GABRA2: variants seen among roughly 807,000 people sequenced by gnomAD.
The protein encoded by GABRA2 is gamma-aminobutyric acid type A receptor subunit alpha2, also known as gamma-aminobutyric acid receptor subunit alpha-2.
In GABRA2, 16 loss-of-function variants were observed where a neutral mutation model predicts 48.7. The observed-to-expected ratio is 0.33, with a 90% CI of 0.22 to 0.50. GABRA2 has a LOEUF of 0.50. Ranked by LOEUF, GABRA2 falls within the 20% of genes least tolerant of loss-of-function variation. The probability of loss-of-function intolerance (pLI) is 0.98; values close to 1 mark genes in which losing one functional copy is unlikely to be tolerated. For missense variants in GABRA2, 275 were observed against 535.6 expected, an observed-to-expected ratio of 0.51 and a Z score of 4.80; for synonymous variants, 185 against 184.5, an observed-to-expected ratio of 1.00 and a Z score of -0.02.
intron 8 of GABRA2, among the ~76,000 whole-genome samples, chr4:46,272,437 A>G (rs1719521945): frequency 6.6e-6 from 1 of 152,044 alleles, no homozygotes; most frequent in South Asian, 2.1e-4. Flanking sequence ...TCTTTTATGA[A>G]GCAAGCATAA....
Position 46,388,672 on chromosome 4 carries a change from A to G in GABRA2, c.35T>C (p.Phe12Ser). ...CCACACCAAGAAAACAAAAAGCAGGAACTGCATGTTGTAGATGTTCAATTT... is the reference window on the plus strand; with the variant it reads ...CCACACCAAGAAAACAAAAAGCAGGGACTGCATGTTGTAGATGTTCAATTT... ...KTKLNIYNMQ[F>S]LLFVFLVWDP... is the part of the protein sequence containing the mutation. The change falls in exon 2 of 10, where the codon TTC (phenylalanine) becomes TCC (serine). Residue 12 changes from phenylalanine (F) to serine (S), a missense_variant. By Grantham distance (155) the Phe-to-Ser change is radical. This residue lies in a region of GABRA2 where 39 missense variants were observed against 40.5 expected (regional missense o/e 0.96). Transcript: ENST00000381620. The G allele has an allele frequency of 1.2e-6, 2 of 1,614,164 alleles. No individual in the cohort carries two copies. The highest frequency in any genetic ancestry group is 1.7e-6 in the Non-Finnish European group (2 of 1,180,024).
intron 8 of GABRA2, among the ~76,000 whole-genome samples, chr4:46,270,432 C>T (rs1026212943): frequency 6.6e-6 from 1 of 152,000 alleles, no homozygotes; most frequent in African/African-American, 2.4e-5. Context: ...ACAAACCTTC[C>T]ATGTACCTCT....
chr4:46,253,338 A>T (rs564541007), intron 9 of GABRA2, among the ~76,000 whole-genome samples: 65 of 151,510 alleles, frequency 4.3e-4, no homozygotes, highest in African/African-American at 1.5e-3. Context: ...CAATCTGAAC[A>T]GATACTCTGA....
At position 46,245,904 on chromosome 4, in the gene GABRA2, A is replaced by G. The variant is rs1713629670; in HGVS notation, c.*4404T>C. The stretch of plus-strand genomic sequence containing the variant: ...ACCACCTTTATAAGTATTTCTTCAT[A>G]TATAAACAAACAAAAATAGAATATT... On this transcript the variant is annotated 3_prime_UTR_variant, in exon 10 of 10. Transcript: ENST00000381620. Among the ~76,000 whole-genome samples the G allele has an allele frequency of 6.6e-6, 1 of 151,232 alleles. No homozygotes were observed. Among genetic ancestry groups the G allele is most frequent in the Admixed American group, 6.6e-5 (1 of 15,114 alleles).
chr4:46,324,494 G>A (rs1729995065), intron 4 of GABRA2, among the ~76,000 whole-genome samples: 1 of 151,864 alleles, frequency 6.6e-6, no homozygotes. Context: ...AAAAAAACAT[G>A]CAACCTCTGA....
intron 8 of GABRA2, among the ~76,000 whole-genome samples, chr4:46,295,593 TG>T (rs911672563): frequency 3.9e-5 from 6 of 152,252 alleles, no homozygotes; most frequent in African/African-American, 1.4e-4. Context: ...GTGGCAGGGA[TG>T]GAGCTTATGC....
intron 9 of GABRA2, among the ~76,000 whole-genome samples, chr4:46,252,132 G>T (rs114414588): frequency 1.6e-3 from 246 of 151,436 alleles, no homozygotes; most frequent in African/African-American, 5.5e-3. Context: ...TGAAAGCCCA[G>T]GAGATTCTAA....
intron 8 of GABRA2, among the ~76,000 whole-genome samples, chr4:46,275,287 T>A (rs1720266084): frequency 6.6e-6 from 1 of 152,160 alleles, no homozygotes. Flanking sequence ...GCAGGCTTTT[T>A]AACTTTTTAT....
chr4:46,263,283 T>C (rs1717427247), intron 8 of GABRA2, among the ~76,000 whole-genome samples: 1 of 152,080 alleles, frequency 6.6e-6, no homozygotes, highest in African/African-American at 2.4e-5. Context: ...TACAAATTTG[T>C]GTCATACCTA....
intron 3 of GABRA2, among the ~76,000 whole-genome samples, chr4:46,374,439 A>G (rs1020868503): frequency 6.6e-6 from 1 of 152,154 alleles, no homozygotes; most frequent in Admixed American, 6.5e-5. Context: ...TTACTAAAAT[A>G]TGTTAGGTCC....
chr4:46,312,843 A>G, intron 4 of GABRA2, 127 bp from the exon 5 acceptor site: 2 of 582,352 alleles, frequency 3.4e-6, no homozygotes, highest in Non-Finnish European at 5.8e-6. Flanking sequence ...AACATTTTTA[A>G]TCAGAAAGAT....
intron 3 of GABRA2, among the ~76,000 whole-genome samples, chr4:46,344,526 C>G (rs1187360269): frequency 6.6e-6 from 1 of 151,924 alleles, no homozygotes; most frequent in Non-Finnish European, 1.5e-5. Flanking sequence ...AAAGAGACAT[C>G]TTTTTGCTTT....
At chr4:46,353,804 C>T (rs1735540165) in intron 3 of GABRA2, among the ~76,000 whole-genome samples, 1 of 152,084 alleles carries the variant, frequency 6.6e-6, no homozygotes, top group Admixed American at 6.6e-5. Flanking sequence ...CTTCTTATTT[C>T]CCTGCTCTTA....
intron 9 of GABRA2, among the ~76,000 whole-genome samples, chr4:46,258,693 A>C (rs1208609196): frequency 6.6e-6 from 1 of 151,744 alleles, no homozygotes; most frequent in Non-Finnish European, 1.5e-5. Context: ...GAAAGCAGAT[A>C]CTCTGAAGTT....
chr4:46,388,754 A>G (rs1357672334), intron 1 of GABRA2, 38 bp from the exon 2 acceptor site: 1 of 1,612,582 alleles, frequency 6.2e-7, no homozygotes, highest in Non-Finnish European at 8.5e-7. Flanking sequence ...AAATACACTT[A>G]AAATTGCCTT....
intron 4 of GABRA2, among the ~76,000 whole-genome samples, chr4:46,332,103 T>C (rs533252874): frequency 6.6e-6 from 1 of 152,212 alleles, no homozygotes; most frequent in Non-Finnish European, 1.5e-5. Context: ...TTTAGGTTGA[T>C]TTATATATAC....
intron 1 of GABRA2, 110 bp downstream of exon 1, chr4:46,389,625 C>T: frequency 3.2e-6 from 2 of 634,152 alleles, no homozygotes; most frequent in Admixed American, 6.3e-5. Flanking sequence ...ATTGAGCCTC[C>T]TCCGTTTCCA....
At chr4:46,328,009 A>G (rs759284435) in intron 4 of GABRA2, among the ~76,000 whole-genome samples, 1 of 152,056 alleles carries the variant, frequency 6.6e-6, no homozygotes, top group African/African-American at 2.4e-5. Context: ...GTTTACTAAT[A>G]TAAGAAAGAC....
rs1560424773 is a variant in GABRA2, at chr4:46,250,096, G to T, written c.*212C>A. 8 of 481,634 alleles carry T rather than the reference G, an allele frequency of 1.7e-5. No homozygotes were observed. Among genetic ancestry groups the T allele is most frequent in the Non-Finnish European group, 1.1e-5 (3 of 270,928 alleles). 29.8% of individuals were successfully genotyped at this position (481,634 alleles called of 1,614,324 possible). ...GTCCTAGGGTAAATCTTTAAAAAAG[G>T]CAATGGCTGTTTTCGCATGGAGTGC... On this transcript the variant is annotated 3_prime_UTR_variant, in exon 10 of 10. Transcript: ENST00000381620.
Sources: allele counts gnomAD v4.1 joint callset (sites outside exome capture counted in the v4.1 genomes callset), GRCh38; gene constraint gnomAD v4.1.1; regional missense constraint gnomAD v4.1.1; transcripts MANE v1.5; gene names NCBI Gene and HGNC (gene_info 2026-07-23, HGNC 2026-07-21).